The following CAMKK2 variants were observed in gnomAD, a reference collection of about 807,000 sequenced individuals.
CAMKK2 encodes calcium/calmodulin-dependent protein kinase kinase 2.
Under a neutral mutation model 67.2 loss-of-function variants are expected in CAMKK2, and 30 were observed. That is an observed-to-expected ratio of 0.45 (90% confidence interval 0.33 to 0.61). The LOEUF (loss-of-function observed/expected upper bound fraction) is 0.61. Ranked by LOEUF, CAMKK2 falls within the 20% of genes least tolerant of loss-of-function variation. The pLI is 0.02. For missense variants in CAMKK2, 643 were observed against 802.0 expected (o/e 0.80, Z 2.39); for synonymous variants, 322 against 326.2 (o/e 0.99, Z 0.14).
intron 16 of CAMKK2, among the ~76,000 whole-genome samples, chr12:121,242,646 T>C (rs977214730): frequency 6.6e-6 from 1 of 152,248 alleles, no homozygotes; most frequent in Non-Finnish European, 1.5e-5. Context: ...AGGGCAAGGT[T>C]TCTCTCAAAA....
At chr12:121,293,490 C>CT (rs370012558) in intron 1 of CAMKK2, among the ~76,000 whole-genome samples, 1 of 151,880 alleles carries the variant, frequency 6.6e-6, no homozygotes, top group Admixed American at 6.6e-5. Context: ...TATAAAGAGG[C>CT]TTCCATAAAA....
intron 1 of CAMKK2, among the ~76,000 whole-genome samples, chr12:121,284,921 G>A (rs1898445236): frequency 6.6e-6 from 1 of 152,196 alleles, no homozygotes; most frequent in Non-Finnish European, 1.5e-5. Flanking sequence ...GAATTCCCGG[G>A]CCTAGAACTT....
chr12:121,256,329 A>C (rs1233355691), intron 7 of CAMKK2, among the ~76,000 whole-genome samples: 1 of 152,210 alleles, frequency 6.6e-6, no homozygotes, highest in Non-Finnish European at 1.5e-5. Context: ...CAGTGAGCCA[A>C]GATTGCACCC....
At position 121,238,990 on chromosome 12, in the gene CAMKK2, C is replaced by G. The variant is rs1468721447; in HGVS notation, c.*1709G>C. The G allele has an allele frequency of 6.6e-6, 1 of 152,612 alleles. No homozygotes were observed. The highest frequency in any genetic ancestry group is 1.5e-5 in the Non-Finnish European group (1 of 68,062). The allele number at this position is 152,612 out of a possible 1,614,324, so 9.5% of individuals were successfully genotyped here. A position where few individuals can be genotyped will look rare whatever the true frequency, so the allele number is the denominator to read the frequency against. ...AGACGACCCTCTCTAGACTACCTGTCCTTTGCTCTTCAAAACCAGCATTCC... is the reference window on the plus strand; with the variant it reads ...AGACGACCCTCTCTAGACTACCTGTGCTTTGCTCTTCAAAACCAGCATTCC... On this transcript the variant is annotated 3_prime_UTR_variant, in exon 17 of 17. Coordinates refer to ENST00000404169, the MANE Select transcript of CAMKK2 (RefSeq NM_001270485.2).
In CAMKK2 at chr12:121,263,850, T is replaced by C; in HGVS notation, c.715A>G (p.Ile239Val). 6.2e-7 allele frequency: 1 copy of C among 1,611,754 alleles called. No individual in the cohort carries two copies. Among genetic ancestry groups the C allele is most frequent in the Non-Finnish European group, 8.5e-7 (1 of 1,178,282 alleles). Residue 239 changes from isoleucine (I) to valine (V), a missense_variant, in exon 6 of 17, where the codon ATC (isoleucine) becomes GTC (valine). Ile to Val is a conservative substitution (Grantham distance 29, BLOSUM62 3). Transcript: ENST00000404169. The part of the protein sequence containing the change: ...PIEQVYQEIA[I>V]LKKLDHPNVV... ...TTGGGGTGGTCCAGCTTCTTGAGGA[T>C]GGCAATTTCCTGGTACACCTGCTCA... is the stretch of plus-strand genomic sequence containing the variant.
At chr12:121,292,165 G>T (rs768796766) in intron 1 of CAMKK2, among the ~76,000 whole-genome samples, 1 of 150,348 alleles carries the variant, frequency 6.7e-6, no homozygotes, top group East Asian at 2.0e-4. Context: ...TTGCTTTGTC[G>T]CCCAGGCAGG....
rs1896444950 is a variant in CAMKK2 at position 121,274,494 on chromosome 12, G to A, written c.33C>T (p.Ser11=). 1.9e-6 allele frequency: 3 copies of A among 1,612,188 alleles called. No individual in the cohort carries two copies. Among genetic ancestry groups the A allele is most frequent in the Non-Finnish European group, 1.7e-6 (2 of 1,179,888 alleles). Residue 11 remains serine, a synonymous_variant, in exon 2 of 17, where the codon AGC becomes AGT. Coordinates refer to ENST00000404169, the MANE Select transcript of CAMKK2 (RefSeq NM_001270485.2). The part of the protein sequence containing the change: MSSCVSSQPS[S]NRAAPQDELG... The stretch of plus-strand genomic sequence containing the variant: ...GCTCATCCTGGGGGGCGGCCCGGTT[G>A]CTGCTGGGCTGGCTAGAGACACATG...
intron 1 of CAMKK2, among the ~76,000 whole-genome samples, chr12:121,293,421 G>C (rs1028517810): frequency 6.6e-6 from 1 of 152,082 alleles, no homozygotes; most frequent in African/African-American, 2.4e-5. Context: ...AGTATGCTGG[G>C]GCGGGAAGAA....
chr12:121,252,727 G>C lies in CAMKK2; in HGVS notation c.1108-13C>G, dbSNP rs1681434763. The C allele has an allele frequency of 6.2e-7, 1 of 1,613,970 alleles. No homozygotes were observed. The highest frequency in any genetic ancestry group is 1.7e-5 in the Admixed American group (1 of 59,994). On this transcript the variant is annotated splice_polypyrimidine_tract_variant and intron_variant, in intron 10 of 16. Coordinates refer to ENST00000404169, the MANE Select transcript of CAMKK2 (RefSeq NM_001270485.2). ...AAACATCCAAGGCCTGCAAGAAAAA[G>C]AGCTTAGTGTGAGGGCATAAGGGGT... is the stretch of plus-strand genomic sequence containing the variant.
intron 7 of CAMKK2, among the ~76,000 whole-genome samples, chr12:121,256,914 T>G (rs977749700): frequency 6.6e-6 from 1 of 152,166 alleles, no homozygotes; most frequent in Non-Finnish European, 1.5e-5. Flanking sequence ...TTGGTTCTTT[T>G]GGGTATATAC....
At chr12:121,297,596 G>A (rs1257616307), upstream of CAMKK2, 1 of 516,676 alleles carries the variant, frequency 1.9e-6, no homozygotes, top group Non-Finnish European at 3.9e-6. Flanking sequence ...CACTGTGCGG[G>A]GAAGAGGAGA....
chr12:121,249,143 T>C (rs894392473), intron 13 of CAMKK2, among the ~76,000 whole-genome samples: 10 of 152,196 alleles, frequency 6.6e-5, no homozygotes, highest in Non-Finnish European at 1.2e-4. Context: ...TGGGACCAGC[T>C]GGCAGGACAG....
At chr12:121,292,095 T>C (rs182270712) in intron 1 of CAMKK2, among the ~76,000 whole-genome samples, 7 of 151,802 alleles carry the variant, frequency 4.6e-5, no homozygotes, top group Admixed American at 3.9e-4. Flanking sequence ...TAAAATAAAA[T>C]GGTTAAGCTT....
intron 7 of CAMKK2, among the ~76,000 whole-genome samples, chr12:121,259,598 T>A (rs781557549): frequency 2.2e-4 from 33 of 152,220 alleles, no homozygotes; most frequent in Non-Finnish European, 3.2e-4. Context: ...ATGTTTATAA[T>A]CTGGCCATAC....
chr12:121,250,514 C>T (rs576944078), intron 11 of CAMKK2, among the ~76,000 whole-genome samples: 1 of 152,298 alleles, frequency 6.6e-6, no homozygotes, highest in East Asian at 1.9e-4. Context: ...CCAACATCTA[C>T]GTGGCTTGGT....
chr12:121,240,696 C>A lies in CAMKK2; in HGVS notation c.*3G>T, dbSNP rs200831782. The A allele has an allele frequency of 1.3e-5, 21 of 1,595,346 alleles. No individual in the cohort carries two copies. The highest frequency in any genetic ancestry group is 2.3e-5 in the East Asian group (1 of 44,338). ...CGCATGCGAGGTCGAGCGATCCAGG[C>A]AGCTACTCGGGCTCCATGGCCTCCT... On this transcript the variant is annotated 3_prime_UTR_variant, in exon 17 of 17. Transcript: ENST00000404169. This position sits in a 1 kb window ranked among gnomAD's most constrained non-coding sequence, Gnocchi z 4.4.
intron 1 of CAMKK2, among the ~76,000 whole-genome samples, chr12:121,289,588 A>G (rs1899541804): frequency 6.6e-6 from 1 of 152,180 alleles, no homozygotes; most frequent in Admixed American, 6.6e-5. Context: ...AAACGAGCAT[A>G]ATTTGCCAGT....
In CAMKK2 at chr12:121,285,426, C is replaced by T. The variant is rs987075709; in HGVS notation, c.-59-10841G>A. Reference sequence around the variant, plus strand: ...GCTGAGGCACGAGAATCACTTGAACCCGGGAGGGGGAGGTTGCAGTGAGCC... The same window carrying T: ...GCTGAGGCACGAGAATCACTTGAACTCGGGAGGGGGAGGTTGCAGTGAGCC... On this transcript the variant is annotated intron_variant, in intron 1 of 16. Coordinates refer to ENST00000404169, the MANE Select transcript of CAMKK2 (RefSeq NM_001270485.2). The surrounding 1 kb of genome is among the most constrained non-coding windows in gnomAD (Gnocchi z 4.1). 1.3e-5 allele frequency among the ~76,000 whole-genome samples: 2 copies of T among 152,012 alleles called. No individual in the cohort carries two copies. Among genetic ancestry groups the T allele is most frequent in the African/African-American group, 4.8e-5 (2 of 41,376 alleles).
intron 6 of CAMKK2, among the ~76,000 whole-genome samples, chr12:121,262,049 T>G (rs571598860): frequency 2.0e-5 from 3 of 152,224 alleles, no homozygotes; most frequent in Admixed American, 1.3e-4. Context: ...ACTATCATTC[T>G]CCACTAGTCT....
Sources: gnomAD v4.1 joint callset for allele counts (sites outside exome capture counted in the v4.1 genomes callset) on GRCh38, gnomAD v4.1.1 for gene constraint, Gnocchi (gnomAD v3.1) non-coding constraint, MANE v1.5 for transcripts, NCBI Gene and HGNC (gene_info 2026-07-23, HGNC 2026-07-21) for gene names.